C19orf47: variants seen among roughly 807,000 people sequenced by gnomAD.
C19orf47 encodes the protein uncharacterized protein C19orf47.
In C19orf47, 18 loss-of-function variants were observed where a neutral mutation model predicts 32.3. The ratio of observed to expected loss-of-function variants is 0.56; its 90% CI spans 0.39 to 0.83. C19orf47 has a LOEUF of 0.83. Ranked by LOEUF, C19orf47 falls within the 40% of genes least tolerant of loss-of-function variation. The pLI is 0.00. For missense variants in C19orf47, 484 were observed against 531.6 expected (o/e 0.91, Z 0.88); for synonymous variants, 202 against 211.1 (o/e 0.96, Z 0.37).
the C19orf47 span, among the ~76,000 whole-genome samples, chr19:40,306,791 A>T: frequency 1.2e-4 from 17 of 140,054 alleles, no homozygotes; most frequent in East Asian, 4.2e-4. Flanking sequence ...TGTCATTAAA[A>T]TTTTTTTTTT....
chr19:40,293,100 T>C, the C19orf47 span, among the ~76,000 whole-genome samples: 1 of 152,112 alleles, frequency 6.6e-6, no homozygotes, highest in African/African-American at 2.4e-5. Flanking sequence ...GACACTTCTT[T>C]AAATCTCATA....
At chr19:40,336,543 CAT>C (rs2078069974) in intron 2 of C19orf47, 136 bp from the exon 3 acceptor site, 3 of 734,654 alleles carry the variant, frequency 4.1e-6, no homozygotes, top group East Asian at 2.7e-5. Flanking sequence ...TCCACACACA[CAT>C]GATGGAACTG....
chr19:40,338,272 C>T (rs897854125), intron 2 of C19orf47, among the ~76,000 whole-genome samples: 10 of 148,494 alleles, frequency 6.7e-5, no homozygotes, highest in East Asian at 2.0e-4. Context: ...TATATACACA[C>T]ACACACACAC....
Position 40,322,059 on chromosome 19 carries a change from C to G in C19orf47, c.981G>C (p.Glu327Asp), listed in dbSNP as rs770717757. The change falls in exon 9 of 9, where the codon GAG becomes GAC. Residue 327 changes from glutamate (E) to aspartate (D), a missense_variant. Physicochemically the swap from Glu to Asp is conservative, Grantham distance 45. This residue lies in a region of C19orf47 where 376 missense variants were observed against 370.2 expected (regional missense o/e 1.02). Transcript: ENST00000683109. ...TGCTGGTGACCTGGCTGTCCTGGGC[C>G]TCGGGCACAAGGGCAGCTGCGCCCA... ...KRLGAAALVP[E>D]AQDSQVTSTK... 34 of 1,614,064 alleles carry G rather than the reference C, an allele frequency of 2.1e-5. No individual in the cohort carries two copies. The highest frequency in any genetic ancestry group is 2.7e-5 in the Non-Finnish European group (32 of 1,180,042).
At chr19:40,312,347 T>C in the C19orf47 span, among the ~76,000 whole-genome samples, 1 of 152,024 alleles carries the variant, frequency 6.6e-6, no homozygotes, top group African/African-American at 2.4e-5. Context: ...AGATCGAGAC[T>C]ATCCTGGCCA....
chr19:40,307,407 T>C, the C19orf47 span, among the ~76,000 whole-genome samples: 2 of 151,952 alleles, frequency 1.3e-5, no homozygotes, highest in Non-Finnish European at 2.9e-5. Flanking sequence ...GTGTGTTTGT[T>C]TGTTGTTTGG....
At chr19:40,329,365 G>T (rs1403922062) in intron 5 of C19orf47, among the ~76,000 whole-genome samples, 1 of 151,804 alleles carries the variant, frequency 6.6e-6, no homozygotes, top group African/African-American at 2.4e-5. Context: ...AATCAGCCAG[G>T]CATGGTGGCA....
intron 5 of C19orf47, among the ~76,000 whole-genome samples, chr19:40,330,762 G>C (rs1192461276): frequency 6.6e-6 from 1 of 152,018 alleles, no homozygotes; most frequent in East Asian, 1.9e-4. Flanking sequence ...AGCATCAAGT[G>C]ATCTTCCCAC....
the C19orf47 span, among the ~76,000 whole-genome samples, chr19:40,307,468 G>A: frequency 8.5e-5 from 13 of 152,100 alleles, no homozygotes; most frequent in African/African-American, 3.1e-4. Flanking sequence ...GCATGAGCTC[G>A]GCTCACTGCA....
chr19:40,321,315 C>T lies in C19orf47; in HGVS notation c.*567G>A, dbSNP rs1437732726. 5.1e-6 allele frequency: 5 copies of T among 986,544 alleles called. No homozygotes were observed. The highest frequency in any genetic ancestry group is 6.0e-6 in the Non-Finnish European group (5 of 830,432). 61.1% of individuals were successfully genotyped at this position (986,544 alleles called of 1,614,324 possible). ...GGGGGCCGCTGGGAGGCCGGAGGTA[C>T]AGGAGGGTCGGGCAGGACGCAGCGG... is the stretch of plus-strand genomic sequence containing the variant. On this transcript the variant is annotated 3_prime_UTR_variant, in exon 9 of 9. Coordinates refer to ENST00000683109, the MANE Select transcript of C19orf47 (RefSeq NM_001256441.2).
chr19:40,320,650 AC>A lies in C19orf47; in HGVS notation c.*1231del, dbSNP rs753239753. On this transcript the variant is annotated 3_prime_UTR_variant, in exon 9 of 9. Coordinates refer to ENST00000683109, the MANE Select transcript of C19orf47 (RefSeq NM_001256441.2). ...TGGCCAGCACCACCGCTTTACCTAC[AC>A]CCCATCCCTGGAGAGGCCCTGCTCA... is the stretch of plus-strand genomic sequence containing the variant. The A allele has an allele frequency of 1.3e-5, 2 of 153,932 alleles. No individual in the cohort carries two copies. Among genetic ancestry groups the A allele is most frequent in the Non-Finnish European group, 2.9e-5 (2 of 68,482 alleles). 9.5% of individuals were successfully genotyped at this position (153,932 alleles called of 1,614,324 possible).
Position 40,341,824 on chromosome 19 carries a change from A to C in C19orf47, c.19+15T>G. On this transcript the variant is annotated intron_variant, in intron 2 of 8. Coordinates refer to ENST00000683109, the MANE Select transcript of C19orf47 (RefSeq NM_001256441.2). ...GTGGGGAGAGGGGGCCCTGGAGAGAAGGCCACAGACTCACCCATAGTCACG... is the reference window on the plus strand; with the variant it reads ...GTGGGGAGAGGGGGCCCTGGAGAGACGGCCACAGACTCACCCATAGTCACG... 1 of 1,536,118 alleles carries C rather than the reference A, an allele frequency of 6.5e-7. No individual in the cohort carries two copies. Among genetic ancestry groups the C allele is most frequent in the Admixed American group, 2.0e-5 (1 of 50,984 alleles).
the C19orf47 span, among the ~76,000 whole-genome samples, chr19:40,306,589 G>A: frequency 1.5e-4 from 23 of 151,702 alleles, no homozygotes; most frequent in African/African-American, 5.3e-4. Context: ...TTTTAATAGA[G>A]ACGGGATTTC....
chr19:40,330,540 C>CT (rs398034615), intron 5 of C19orf47, among the ~76,000 whole-genome samples: 26,031 of 64,626 alleles, frequency 0.4, 6,504 homozygotes, highest in Admixed American at 0.48. Context: ...ACCCGGCCCT[C>CT]TTTTTTTTTT....
chr19:40,317,318 G>A (rs2077668666), downstream of C19orf47, among the ~76,000 whole-genome samples: 1 of 152,152 alleles, frequency 6.6e-6, no homozygotes, highest in East Asian at 1.9e-4. Context: ...AACAGACAGG[G>A]CATGGTGGCT....
At chr19:40,295,056 C>T in the C19orf47 span, among the ~76,000 whole-genome samples, 1 of 152,246 alleles carries the variant, frequency 6.6e-6, no homozygotes, top group African/African-American at 2.4e-5. Context: ...GAGTCTCGCC[C>T]TGTCGCCCAG....
chr19:40,299,202 A>G, the C19orf47 span, among the ~76,000 whole-genome samples: 1 of 152,096 alleles, frequency 6.6e-6, no homozygotes, highest in African/African-American at 2.4e-5. Flanking sequence ...TAATATATAT[A>G]TTTTTACAAC....
At chr19:40,343,763 G>A (rs992446346) in intron 1 of C19orf47, 1 of 151,402 alleles carries the variant, frequency 6.6e-6, no homozygotes, top group African/African-American at 2.4e-5. Context: ...TCCTCACTAG[G>A]GTTAATCTTG....
chr19:40,348,458 G>T, upstream of C19orf47: 2 of 1,500,356 alleles, frequency 1.3e-6, no homozygotes, highest in East Asian at 2.8e-5. Flanking sequence ...GAACTGACTC[G>T]TCCGCGGCCG....
Sources: gnomAD v4.1 joint callset for allele counts (sites outside exome capture counted in the v4.1 genomes callset) on GRCh38, gnomAD v4.1.1 for gene constraint, gnomAD v4.1.1 regional missense constraint, MANE v1.5 for transcripts, NCBI Gene and HGNC (gene_info 2026-07-23, HGNC 2026-07-21) for gene names.